Variants in ADAMTS17 observed in about 807,000 individuals in gnomAD.
ADAMTS17 encodes the protein A disintegrin and metalloproteinase with thrombospondin motifs 17.
In ADAMTS17, 113 loss-of-function variants were observed where a neutral mutation model predicts 141.5. The observed-to-expected ratio is 0.80, with a 90% CI of 0.69 to 0.93. ADAMTS17 has a LOEUF of 0.93. Among genes scored for constraint, ADAMTS17 ranks in the 40% least tolerant of loss-of-function variants. ADAMTS17 has a pLI of 0.00. For missense variants in ADAMTS17, 1,659 were observed against 1,517.9 expected, an observed-to-expected ratio of 1.09 and a Z score of -1.54; for synonymous variants, 768 against 630.6, an observed-to-expected ratio of 1.22 and a Z score of -3.27.
chr15:100,263,269 G>A (rs1294003417), intron 4 of ADAMTS17, among the ~76,000 whole-genome samples: 1 of 152,088 alleles, frequency 6.6e-6, no homozygotes, highest in African/African-American at 2.4e-5. Context: ...ACTACTCTCA[G>A]CTGGGAAACA....
chr15:100,304,104 C>G (rs1048273342), intron 3 of ADAMTS17, among the ~76,000 whole-genome samples: 1 of 152,216 alleles, frequency 6.6e-6, no homozygotes, highest in Non-Finnish European at 1.5e-5. Flanking sequence ...GCAGTGATGT[C>G]TTCAGACAAT....
At chr15:100,057,748 TC>T (rs1300231539) in intron 15 of ADAMTS17, among the ~76,000 whole-genome samples, 2 of 152,224 alleles carry the variant, frequency 1.3e-5, no homozygotes, top group East Asian at 3.9e-4. Context: ...GCAGCTTTCT[TC>T]CCACAGGGTT....
chr15:100,098,895 G>A (rs984194940), intron 14 of ADAMTS17, among the ~76,000 whole-genome samples: 3 of 152,178 alleles, frequency 2.0e-5, no homozygotes, highest in African/African-American at 4.8e-5. Flanking sequence ...ACCTGTTCCA[G>A]CTCCCACCTG....
chr15:100,169,320 C>T (rs770560248), intron 8 of ADAMTS17, among the ~76,000 whole-genome samples: 73 of 152,190 alleles, frequency 4.8e-4, no homozygotes, highest in Non-Finnish European at 8.4e-4. Context: ...CACCCCTCAA[C>T]ACAGATGCTA....
chr15:100,310,968 C>T (rs372341750), intron 3 of ADAMTS17, among the ~76,000 whole-genome samples: 1 of 152,210 alleles, frequency 6.6e-6, no homozygotes, highest in Non-Finnish European at 1.5e-5. Context: ...AGCTGGAAAA[C>T]GCTCAACAAA....
chr15:100,078,314 A>C (rs1217614805), intron 15 of ADAMTS17, among the ~76,000 whole-genome samples: 2 of 152,180 alleles, frequency 1.3e-5, no homozygotes, highest in Non-Finnish European at 2.9e-5. Context: ...AAAGAAGTTG[A>C]AGAACTCAGA....
intron 3 of ADAMTS17, among the ~76,000 whole-genome samples, chr15:100,322,307 A>G (rs2045756859): frequency 6.6e-6 from 1 of 152,208 alleles, no homozygotes; most frequent in Non-Finnish European, 1.5e-5. Flanking sequence ...AGAGATCCAC[A>G]AAGGGGAAGC....
chr15:100,211,043 T>C (rs953435091), intron 7 of ADAMTS17, among the ~76,000 whole-genome samples: 4 of 151,750 alleles, frequency 2.6e-5, no homozygotes, highest in African/African-American at 9.7e-5. Flanking sequence ...GAGCTTGCAG[T>C]GAGCCGAGAT....
chr15:100,153,894 A>G (rs1431608610), intron 9 of ADAMTS17, among the ~76,000 whole-genome samples: 1 of 151,664 alleles, frequency 6.6e-6, no homozygotes, highest in African/African-American at 2.4e-5. Flanking sequence ...AAAACACCTG[A>G]TCTTGGCCGG....
chr15:100,117,304 G>A (rs1188012462), intron 12 of ADAMTS17, among the ~76,000 whole-genome samples: 1 of 152,170 alleles, frequency 6.6e-6, no homozygotes, highest in African/African-American at 2.4e-5. Flanking sequence ...TCCTTCATCT[G>A]AACTTAAAAT....
intron 18 of ADAMTS17, among the ~76,000 whole-genome samples, chr15:100,037,531 CCT>C (rs1326662204): frequency 1.3e-5 from 2 of 151,984 alleles, no homozygotes; most frequent in Non-Finnish European, 2.9e-5. Context: ...ATGCCTGTCC[CCT>C]GAGTAGCTGA....
intron 8 of ADAMTS17, among the ~76,000 whole-genome samples, chr15:100,161,938 A>T (rs1336276825): frequency 1.3e-5 from 2 of 152,240 alleles, no homozygotes; most frequent in Non-Finnish European, 2.9e-5. Flanking sequence ...GCTTTCAGGG[A>T]TTCAGCAATA....
chr15:100,144,089 G>A (rs1335554617), intron 10 of ADAMTS17, among the ~76,000 whole-genome samples: 1 of 152,182 alleles, frequency 6.6e-6, no homozygotes, highest in Non-Finnish European at 1.5e-5. Flanking sequence ...TAAACTGGAA[G>A]TGTTTTCAAA....
At position 100,341,268 on chromosome 15, in the gene ADAMTS17, G is replaced by A; in HGVS notation, c.221C>T (p.Ala74Val). Reference protein sequence around the residue: ...RPRTPPAAPRARPGERALLLH... With the variant: ...RPRTPPAAPRVRPGERALLLH... ...CAGCAGGGCGCGCTCTCCGGGCCGG[G>A]CGCGCGGGGCGGCTGGGGGCGTGCG... Residue 74 changes from alanine (A) to valine (V), a missense_variant, in exon 2 of 22, where the codon GCC becomes GTC. Ala to Val is a moderately conservative substitution (Grantham distance 64). Transcript: ENST00000268070. 7.9e-7 allele frequency: 1 copy of A among 1,262,266 alleles called. No homozygotes were observed. Among genetic ancestry groups the A allele is most frequent in the African/African-American group, 1.6e-5 (1 of 63,410 alleles). The allele number at this position is 1,262,266 out of a possible 1,614,324, so 78.2% of individuals were successfully genotyped here.
chr15:100,280,818 G>A (rs7495812), intron 4 of ADAMTS17, among the ~76,000 whole-genome samples: 78,211 of 151,958 alleles, frequency 0.51, 20,663 homozygotes, highest in South Asian at 0.66. Flanking sequence ...CAACTAGGCA[G>A]CCTCTCTAAG....
intron 14 of ADAMTS17, among the ~76,000 whole-genome samples, chr15:100,106,864 A>C (rs538776160): frequency 4.8e-4 from 73 of 152,320 alleles, no homozygotes; most frequent in Non-Finnish European, 8.5e-4. Flanking sequence ...GGCTTTGTTC[A>C]TACTGCCCGA....
chr15:100,290,388 G>A lies in ADAMTS17; in HGVS notation c.617-8987C>T, dbSNP rs544777321. Among the ~76,000 whole-genome samples the A allele has an allele frequency of 9.2e-5, 14 of 152,218 alleles. No homozygotes were observed. In the South Asian group the frequency reaches 2.7e-3, roughly 29 times the overall value. The stretch of plus-strand genomic sequence containing the variant: ...CAAACAAATGGAAAATCATTCCATG[G>A]TCTTGGATAGGAAGAAACAATATTG... On this transcript the variant is annotated intron_variant, in intron 3 of 21. Coordinates refer to ENST00000268070, the MANE Select transcript of ADAMTS17 (RefSeq NM_139057.4).
intron 20 of ADAMTS17, among the ~76,000 whole-genome samples, chr15:99,988,482 T>A (rs145860072): frequency 6.6e-6 from 1 of 152,132 alleles, no homozygotes; most frequent in Non-Finnish European, 1.5e-5. Flanking sequence ...CAAATAAACC[T>A]CTTTATCAAT....
intron 4 of ADAMTS17, among the ~76,000 whole-genome samples, chr15:100,262,725 C>G (rs138645577): frequency 1.4e-3 from 215 of 149,880 alleles, no homozygotes; most frequent in Non-Finnish European, 2.2e-3. Context: ...ATACAAATTC[C>G]ATTCATAACA....
Sources: gnomAD v4.1 joint callset for allele counts (sites outside exome capture counted in the v4.1 genomes callset) on GRCh38, gnomAD v4.1.1 for gene constraint, MANE v1.5 for transcripts, NCBI Gene and HGNC (gene_info 2026-07-23, HGNC 2026-07-21) for gene names.